Variants in CDCP2 observed in about 807,000 individuals in gnomAD.
CDCP2 encodes CUB domain containing protein 2.
CDCP2 carries 31 observed loss-of-function variants against 31.0 expected under a neutral mutation model. The observed-to-expected ratio is 1.00, with a 90% confidence interval of 0.75 to 1.35. CDCP2 has a LOEUF of 1.35. Ranked by LOEUF, CDCP2 falls within the 40% of genes most tolerant of loss-of-function variation. CDCP2 has a pLI of 0.00. For missense variants in CDCP2, 443 were observed against 482.6 expected, an observed-to-expected ratio of 0.92 and a Z score of 0.77; for synonymous variants, 206 against 207.9, an observed-to-expected ratio of 0.99 and a Z score of 0.08.
intron 4 of CDCP2, 103 bp from the exon 5 acceptor site, chr1:54,136,911 C>T (rs1021393036): frequency 1.0e-5 from 4 of 398,344 alleles, no homozygotes; most frequent in African/African-American, 8.2e-5. Context: ...GATGGGGAAA[C>T]TGAGGCCCAG....
chr1:54,133,681 G>C (rs1426956214), intron 5 of CDCP2, among the ~76,000 whole-genome samples: 3 of 152,148 alleles, frequency 2.0e-5, no homozygotes, highest in African/African-American at 7.2e-5. Flanking sequence ...CGGATCATGA[G>C]GTCAGGAGAT....
intron 1 of CDCP2, among the ~76,000 whole-genome samples, chr1:54,149,622 C>A (rs1488468741): frequency 2.0e-5 from 3 of 152,228 alleles, no homozygotes; most frequent in African/African-American, 7.2e-5. Flanking sequence ...CCAGCCCATG[C>A]TCCTTCTCTC....
chr1:54,141,408 G>A, exon 3 of CDCP2: 2 of 1,611,484 alleles, frequency 1.2e-6, no homozygotes, highest in Admixed American at 1.7e-5. Context: ...CCCCTGACAG[G>A]CCAGTCAGGA....
At chr1:54,144,958 C>T in intron 1 of CDCP2, 145 bp from the exon 2 acceptor site, 1 of 618,080 alleles carries the variant, frequency 1.6e-6, no homozygotes, top group Non-Finnish European at 2.9e-6. Flanking sequence ...CATGCATCTA[C>T]TTATTCTTCA....
intron 2 of CDCP2, chr1:54,142,491 T>C (rs977043323): frequency 6.6e-6 from 1 of 152,226 alleles, no homozygotes; most frequent in Admixed American, 6.5e-5. Flanking sequence ...CTGGAAACTC[T>C]CAGGAAGCCA....
At chr1:54,140,650 C>A (rs532965861) in intron 3 of CDCP2, 1 of 198,296 alleles carries the variant, frequency 5.0e-6, no homozygotes. Context: ...TGATGGATAG[C>A]ACAGATCATA....
intron 4 of CDCP2, chr1:54,138,059 G>C (rs369561025): frequency 2.6e-5 from 4 of 151,422 alleles, no homozygotes; most frequent in East Asian, 1.9e-4. Flanking sequence ...GAGGTGGAGT[G>C]GGGGGTGGGC....
chr1:54,141,329 C>T lies in CDCP2; in HGVS notation c.532G>A (p.Ala178Thr), dbSNP rs61732057. 2.0e-3 allele frequency: 3,296 copies of T among 1,614,074 alleles called. 49 individuals carry two copies. The African/African-American group carries it at 0.038, about 19-fold the overall frequency. Reference sequence around the variant, plus strand: ...ACCAGCTTGACGTGGGCAGGGCCAGCGGCCCGGATCACCCAGTGGCACTCC... The same window carrying T: ...ACCAGCTTGACGTGGGCAGGGCCAGTGGCCCGGATCACCCAGTGGCACTCC... The change falls in exon 3 of 6, where the codon GCT (alanine) becomes ACT (threonine). Residue 178 changes from alanine to threonine, a missense_variant. Physicochemically the swap from Ala to Thr is moderately conservative, Grantham distance 58 (BLOSUM62 0). Coordinates refer to ENST00000530059, the Ensembl canonical transcript of CDCP2.
chr1:54,151,016 C>T (rs9326027), intron 1 of CDCP2, among the ~76,000 whole-genome samples: 17,300 of 152,080 alleles, frequency 0.11, 1,093 homozygotes, highest in African/African-American at 0.17. Flanking sequence ...CAAAGGGGCT[C>T]TGGGGTCCGG....
intron 5 of CDCP2, among the ~76,000 whole-genome samples, chr1:54,133,950 C>T (rs1364965850): frequency 9.0e-6 from 1 of 111,140 alleles, no homozygotes; most frequent in East Asian, 2.8e-4. Context: ...GAAACTAAGG[C>T]CCCGAGGTTA....
rs185931714 is a variant in CDCP2 at position 54,136,927 on chromosome 1, G to A, written c.1118-119C>T. On this transcript the variant is annotated intron_variant, in intron 4 of 5. Coordinates refer to ENST00000530059, the Ensembl canonical transcript of CDCP2. Reference sequence around the variant, plus strand: ...ATGGGGAAACTGAGGCCCAGAGTAGGAAAAGCTCTTACGGAATCCTACAGG... The same window carrying A: ...ATGGGGAAACTGAGGCCCAGAGTAGAAAAAGCTCTTACGGAATCCTACAGG... 503 of 398,080 alleles carry A rather than the reference G, an allele frequency of 1.3e-3. 5 individuals are homozygous for A. In the East Asian group the frequency reaches 0.017, roughly 14 times the overall value. The allele number at this position is 398,080 out of a possible 1,614,324, so 24.7% of individuals were successfully genotyped here.
intron 1 of CDCP2, 82 bp downstream of exon 1, chr1:54,152,762 A>G: frequency 7.5e-7 from 1 of 1,331,522 alleles, no homozygotes; most frequent in Non-Finnish European, 1.1e-6. Flanking sequence ...CTGGCTTCCC[A>G]TGTAGAAACT....
In CDCP2 at chr1:54,139,241, A is replaced by C. The variant is rs1290869317; in HGVS notation, c.1117+512T>G. 4 of 395,220 alleles carry C rather than the reference A, an allele frequency of 1.0e-5. No homozygotes were observed. The East Asian group carries it at 1.6e-4, about 15-fold the overall frequency. 24.5% of individuals were successfully genotyped at this position (395,220 alleles called of 1,614,324 possible). ...AGGCTCAGAGAGTCCCAGAGATAAC[A>C]TTTGGAACAGTGTTGAGCCCCTGGA... On this transcript the variant is annotated intron_variant, in intron 4 of 5. Transcript: ENST00000530059.
At chr1:54,142,511 G>C (rs1459519597) in intron 2 of CDCP2, 2 of 152,256 alleles carry the variant, frequency 1.3e-5, no homozygotes, top group Non-Finnish European at 1.5e-5. Context: ...AGCTTGGCCA[G>C]TACAACTACA....
At chr1:54,141,517 G>A in intron 2 of CDCP2, 84 bp from the exon 3 acceptor site, 2 of 1,201,060 alleles carry the variant, frequency 1.7e-6, no homozygotes, top group Non-Finnish European at 2.3e-6. Context: ...ACTCCAACAT[G>A]CTGCCCCCAC....
intron 4 of CDCP2, chr1:54,139,008 A>G (rs1176674050): frequency 6.4e-6 from 1 of 156,156 alleles, no homozygotes; most frequent in Non-Finnish European, 1.4e-5. Flanking sequence ...AAAGCCAAAT[A>G]CCAGCTCCCC....
intron 1 of CDCP2, among the ~76,000 whole-genome samples, chr1:54,151,589 A>C (rs1397535376): frequency 1.3e-5 from 2 of 152,086 alleles, no homozygotes; most frequent in Non-Finnish European, 2.9e-5. Context: ...AAATAGGAAA[A>C]GCTACCTCCT....
exon 6 of CDCP2, chr1:54,132,970 A>C (rs940782512): frequency 2.5e-6 from 1 of 398,766 alleles, no homozygotes; most frequent in African/African-American, 2.1e-5. Flanking sequence ...CTGTCTATTC[A>C]AAGCAGCATC....
At chr1:54,139,776 C>A in exon 4 of CDCP2, 1 of 1,614,236 alleles carries the variant, frequency 6.2e-7, no homozygotes, top group Non-Finnish European at 8.5e-7. Context: ...CACAGAGAAG[C>A]CCCTGCGGGT....
Sources: gnomAD v4.1 joint callset for allele counts (sites outside exome capture counted in the v4.1 genomes callset) on GRCh38, gnomAD v4.1.1 for gene constraint, MANE v1.5 for transcripts, NCBI Gene and HGNC (gene_info 2026-07-23, HGNC 2026-07-21) for gene names.